Variants in RBM47 observed in about 807,000 individuals in gnomAD.
RBM47 encodes RNA-binding protein 47.
In RBM47, 21 loss-of-function variants were observed where a neutral mutation model predicts 47.1. The observed-to-expected ratio is 0.45, with a 90% CI of 0.32 to 0.64. The LOEUF (loss-of-function observed/expected upper bound fraction) is 0.64, where lower values mean the gene tolerates loss of function less well. Ranked by LOEUF, RBM47 falls within the 30% of genes least tolerant of loss-of-function variation. The probability of loss-of-function intolerance (pLI) is 0.05; values close to 1 mark genes in which losing one functional copy is unlikely to be tolerated. For synonymous variants in RBM47, 375 were observed against 361.7 expected, an observed-to-expected ratio of 1.04 and a Z score of -0.42; for missense variants, 708 against 870.9, an observed-to-expected ratio of 0.81 and a Z score of 2.35.
intron 3 of RBM47, among the ~76,000 whole-genome samples, chr4:40,458,295 T>A (rs939978852): frequency 6.6e-6 from 1 of 152,242 alleles, no homozygotes; most frequent in African/African-American, 2.4e-5. Flanking sequence ...GCTTCAGTTT[T>A]AGGTGTGACC....
intron 3 of RBM47, among the ~76,000 whole-genome samples, chr4:40,454,475 T>C (rs1223354562): frequency 6.6e-6 from 1 of 152,140 alleles, no homozygotes; most frequent in Non-Finnish European, 1.5e-5. Flanking sequence ...TTAATTTTTT[T>C]ATTATTTATT....
chr4:40,498,997 A>C (rs1195679156), intron 2 of RBM47, among the ~76,000 whole-genome samples: 2 of 152,116 alleles, frequency 1.3e-5, no homozygotes, highest in Non-Finnish European at 1.5e-5. Context: ...GTGAGCCAAG[A>C]TTACACCATT....
chr4:40,535,371 C>CTTTTTTTTTTTTTTTTTTCTTTTTTTTT (rs1553897874), intron 2 of RBM47, among the ~76,000 whole-genome samples: 1 of 103,460 alleles, frequency 9.7e-6, no homozygotes, highest in Admixed American at 1.1e-4. Flanking sequence ...TATGGTATTT[C>CTTTTTTTTTTTTTTTTTTCTTTTTTTTT]TTTTTTTTTT....
intron 2 of RBM47, among the ~76,000 whole-genome samples, chr4:40,504,429 T>A (rs1414409090): frequency 6.6e-6 from 1 of 151,964 alleles, no homozygotes; most frequent in Non-Finnish European, 1.5e-5. Flanking sequence ...TAGCTGGGAT[T>A]ACAGGTGCCC....
rs577705159 is a variant in RBM47, at chr4:40,604,100, C to T, written c.-240+25296G>A. Among the ~76,000 whole-genome samples, 8 of 152,332 alleles carry T rather than the reference C, an allele frequency of 5.3e-5. No individual in the cohort carries two copies. The South Asian group carries it at 1.7e-3, about 32-fold the overall frequency. ...CACATTCAAGGTCTTCACCCTTTGG[C>T]CCTAACCAACCATTTATCCATTCAA... On this transcript the variant is annotated intron_variant, in intron 1 of 6. Coordinates refer to ENST00000295971, the MANE Select transcript of RBM47 (RefSeq NM_001098634.2).
At chr4:40,626,469 T>G (rs1737747513) in intron 1 of RBM47, among the ~76,000 whole-genome samples, 1 of 152,232 alleles carries the variant, frequency 6.6e-6, no homozygotes, top group Non-Finnish European at 1.5e-5. Context: ...CCTGCAATCC[T>G]TTGAGGGCAG....
chr4:40,541,614 T>C (rs1728551808), intron 2 of RBM47, among the ~76,000 whole-genome samples: 1 of 152,022 alleles, frequency 6.6e-6, no homozygotes, highest in Non-Finnish European at 1.5e-5. Context: ...GGCGCATGCC[T>C]ATAATCCCAG....
intron 2 of RBM47, among the ~76,000 whole-genome samples, chr4:40,483,034 AAATACTGGTTACGCTATT>A (rs374996075): frequency 4.6e-5 from 7 of 152,372 alleles, no homozygotes; most frequent in African/African-American, 1.7e-4. Flanking sequence ...ATGGATCTAT[AAATACTGGTTACGCTATT>A]AATGATTACA....
At chr4:40,540,491 T>C (rs1456358681) in intron 2 of RBM47, among the ~76,000 whole-genome samples, 1 of 151,558 alleles carries the variant, frequency 6.6e-6, no homozygotes, top group Non-Finnish European at 1.5e-5. Flanking sequence ...AATACAAAAT[T>C]AGCCAGGCAT....
intron 1 of RBM47, among the ~76,000 whole-genome samples, chr4:40,580,048 G>A (rs60657348): frequency 0.045 from 6,863 of 152,132 alleles, 440 homozygotes; most frequent in African/African-American, 0.13. Context: ...GTGAGCCACC[G>A]CTTCCGGCCT....
chr4:40,488,363 A>T, intron 2 of RBM47, among the ~76,000 whole-genome samples: 2 of 145,940 alleles, frequency 1.4e-5, no homozygotes, highest in Admixed American at 6.9e-5. Flanking sequence ...GGGAAGGGGG[A>T]GAACTTGAGA....
intron 3 of RBM47, among the ~76,000 whole-genome samples, chr4:40,456,904 C>T (rs1474331834): frequency 2.0e-5 from 3 of 151,914 alleles, no homozygotes; most frequent in African/African-American, 7.3e-5. Context: ...CGGCCAGCCT[C>T]ATTTTCTTGA....
At chr4:40,492,808 C>T (rs917038502) in intron 2 of RBM47, among the ~76,000 whole-genome samples, 5 of 151,920 alleles carry the variant, frequency 3.3e-5, no homozygotes, top group South Asian at 2.1e-4. Flanking sequence ...CGCGCACACA[C>T]GAGTGTGCAG....
At chr4:40,511,772 T>C (rs1432774818) in intron 2 of RBM47, among the ~76,000 whole-genome samples, 1 of 151,864 alleles carries the variant, frequency 6.6e-6, no homozygotes, top group Non-Finnish European at 1.5e-5. Context: ...CCATCTCTAC[T>C]AAAAATACAA....
chr4:40,497,054 A>G lies in RBM47; in HGVS notation c.-154-30355T>C, dbSNP rs563631079. 8.3e-3 allele frequency among the ~76,000 whole-genome samples: 1,241 copies of G among 150,116 alleles called. 11 individuals carry two copies. Among genetic ancestry groups the G allele is most frequent in the South Asian group, 0.021 (99 of 4,768 alleles). On this transcript the variant is annotated intron_variant, in intron 2 of 6. Coordinates refer to ENST00000295971, the MANE Select transcript of RBM47 (RefSeq NM_001098634.2). Reference sequence around the variant, plus strand: ...AAAACTCCATCTCAAAAAAAAAAAAAAAAGAAAGAAAGAAAGAAAGAAATG... The same window carrying G: ...AAAACTCCATCTCAAAAAAAAAAAAGAAAGAAAGAAAGAAAGAAAGAAATG...
intron 1 of RBM47, among the ~76,000 whole-genome samples, chr4:40,592,523 CA>C (rs1347094219): frequency 6.6e-6 from 1 of 151,178 alleles, no homozygotes; most frequent in Non-Finnish European, 1.5e-5. Context: ...CTCCTGGGTT[CA>C]AGCAATTCTT....
intron 2 of RBM47, among the ~76,000 whole-genome samples, chr4:40,529,497 C>CAGAA (rs1341668766): frequency 9.6e-6 from 1 of 104,046 alleles, no homozygotes; most frequent in Non-Finnish European, 1.7e-5. Flanking sequence ...GCCTGGGTGA[C>CAGAA]AGAAGGAGAC....
chr4:40,429,713 A>G (rs1315888036), intron 6 of RBM47, among the ~76,000 whole-genome samples: 1 of 140,402 alleles, frequency 7.1e-6, no homozygotes, highest in Non-Finnish European at 1.6e-5. Flanking sequence ...AAAAAAAAAA[A>G]AAAAGTGCCT....
At chr4:40,503,226 G>A (rs1723633609) in intron 2 of RBM47, among the ~76,000 whole-genome samples, 1 of 152,186 alleles carries the variant, frequency 6.6e-6, no homozygotes, top group Non-Finnish European at 1.5e-5. Flanking sequence ...ATTAGGCAAA[G>A]GACTCTCCTG....
Sources: gnomAD v4.1 joint callset for allele counts (sites outside exome capture counted in the v4.1 genomes callset) on GRCh38, gnomAD v4.1.1 for gene constraint, MANE v1.5 for transcripts, NCBI Gene and HGNC (gene_info 2026-07-23, HGNC 2026-07-21) for gene names.